Variants in VPS13B observed in about 807,000 individuals in gnomAD.
The protein encoded by VPS13B is vacuolar protein sorting 13 homolog B, also known as intermembrane lipid transfer protein VPS13B.
A neutral mutation model predicts 426.4 loss-of-function variants in VPS13B; 285 were observed. That is an observed-to-expected ratio of 0.67 (90% confidence interval 0.61 to 0.74). The LOEUF is 0.74. VPS13B is among the 30% of genes least tolerant of loss of function. The pLI is 0.00. For missense variants in VPS13B, 4,537 were observed against 4,782.6 expected, an observed-to-expected ratio of 0.95 and a Z score of 1.51; for synonymous variants, 1,676 against 1,676.4, an observed-to-expected ratio of 1.00 and a Z score of 0.01.
intron 26 of VPS13B, 146 bp downstream of exon 26, chr8:99,502,004 G>A: frequency 9.2e-7 from 1 of 1,082,866 alleles, no homozygotes; most frequent in Non-Finnish European, 1.3e-6. Context: ...TTTCCTTTCT[G>A]ACAGAGTTTT....
At chr8:99,738,361 CT>C (rs1833930380) in intron 39 of VPS13B, among the ~76,000 whole-genome samples, 1 of 152,134 alleles carries the variant, frequency 6.6e-6, no homozygotes, top group Non-Finnish European at 1.5e-5. Context: ...TCTTTTTTCT[CT>C]TTAGCTAAAT....
At chr8:99,116,177 A>G (rs539774210) in intron 7 of VPS13B, among the ~76,000 whole-genome samples, 202 of 148,470 alleles carry the variant, frequency 1.4e-3, no homozygotes, top group African/African-American at 4.7e-3. Flanking sequence ...ACAGACATGC[A>G]TCACCACGCC....
At chr8:99,069,348 G>A (rs1226814728) in intron 3 of VPS13B, among the ~76,000 whole-genome samples, 1 of 152,166 alleles carries the variant, frequency 6.6e-6, no homozygotes, top group African/African-American at 2.4e-5. Context: ...GCAGGCAGAT[G>A]GATTGAGCCA....
intron 17 of VPS13B, among the ~76,000 whole-genome samples, chr8:99,198,844 T>TC (rs986933914): frequency 3.3e-5 from 5 of 151,672 alleles, no homozygotes; most frequent in African/African-American, 9.7e-5. Flanking sequence ...TTGTCTTTTT[T>TC]CCCCCCGAGA....
intron 19 of VPS13B, 90 bp from the exon 20 acceptor site, chr8:99,384,118 G>A: frequency 9.5e-7 from 1 of 1,053,818 alleles, no homozygotes; most frequent in Non-Finnish European, 1.5e-6. Flanking sequence ...TGTCTGTTAT[G>A]TCATAGCTAT....
At chr8:99,415,551 A>G (rs1318948487) in intron 21 of VPS13B, among the ~76,000 whole-genome samples, 1 of 152,126 alleles carries the variant, frequency 6.6e-6, no homozygotes, top group Non-Finnish European at 1.5e-5. Flanking sequence ...TCATGGATTT[A>G]TCTACCTTTG....
chr8:99,468,064 AT>A (rs1171054785), intron 24 of VPS13B, among the ~76,000 whole-genome samples: 1 of 152,178 alleles, frequency 6.6e-6, no homozygotes, highest in African/African-American at 2.4e-5. Flanking sequence ...GATTTGTCAC[AT>A]ATGTATACAT....
intron 36 of VPS13B, among the ~76,000 whole-genome samples, chr8:99,712,688 TG>T (rs1298148082): frequency 6.6e-6 from 1 of 151,692 alleles, no homozygotes; most frequent in African/African-American, 2.4e-5. Flanking sequence ...GCAATTTTAC[TG>T]ATATTTCTGT....
At chr8:99,504,271 G>A (rs1321028331) in intron 27 of VPS13B, among the ~76,000 whole-genome samples, 1 of 152,178 alleles carries the variant, frequency 6.6e-6, no homozygotes, top group Non-Finnish European at 1.5e-5. Flanking sequence ...CTCACCAGAA[G>A]CCAAGTAGAT....
intron 28 of VPS13B, 74 bp downstream of exon 28, chr8:99,507,277 G>T: frequency 6.9e-7 from 1 of 1,452,170 alleles, no homozygotes; most frequent in Non-Finnish European, 9.7e-7. Flanking sequence ...CATAAAATAG[G>T]ACTAATGGTT....
intron 29 of VPS13B, among the ~76,000 whole-genome samples, chr8:99,517,598 G>T (rs1487022): frequency 0.17 from 26,498 of 152,078 alleles, 2,830 homozygotes; most frequent in East Asian, 0.38. Context: ...ATTATGTGCA[G>T]TTACTATCAG....
chr8:99,503,096 C>T (rs1396919825), intron 27 of VPS13B, 146 bp downstream of exon 27: 1 of 629,280 alleles, frequency 1.6e-6, no homozygotes, highest in Non-Finnish European at 2.8e-6. Context: ...TGGCTCCAGA[C>T]TATTCCAATA....
chr8:99,340,854 T>G (rs2133184388), intron 19 of VPS13B: 1 of 318,000 alleles, frequency 3.1e-6, no homozygotes, highest in Middle Eastern at 4.3e-4. Flanking sequence ...CTTGGCTTTG[T>G]GCCTTTTGTG....
chr8:99,459,211 T>G (rs1189971618), intron 23 of VPS13B, among the ~76,000 whole-genome samples: 3 of 152,222 alleles, frequency 2.0e-5, no homozygotes, highest in Admixed American at 2.0e-4. Flanking sequence ...GGCTGCAGCA[T>G]TCTATTAATA....
intron 29 of VPS13B, among the ~76,000 whole-genome samples, chr8:99,517,569 C>T (rs923757557): frequency 6.6e-6 from 1 of 152,136 alleles, no homozygotes; most frequent in African/African-American, 2.4e-5. Context: ...GTCTGCTTTT[C>T]AACCTGGATA....
chr8:99,301,199 A>AGCAAG (rs1201844202), intron 19 of VPS13B, among the ~76,000 whole-genome samples: 1 of 151,986 alleles, frequency 6.6e-6, no homozygotes, highest in Non-Finnish European at 1.5e-5. Context: ...TGGATAACAG[A>AGCAAG]GCAAGACCTT....
At chr8:99,338,858 A>T (rs527418975) in intron 19 of VPS13B, among the ~76,000 whole-genome samples, 1 of 152,296 alleles carries the variant, frequency 6.6e-6, no homozygotes, top group South Asian at 2.1e-4. Context: ...GAAGACATGT[A>T]TTCTCCCACT....
intron 39 of VPS13B, among the ~76,000 whole-genome samples, chr8:99,757,799 T>TA (rs1810715166): frequency 6.6e-6 from 1 of 152,230 alleles, no homozygotes; most frequent in Non-Finnish European, 1.5e-5. Flanking sequence ...TACATATGCT[T>TA]AGAGTACAGT....
At chr8:99,221,702 C>T (rs779847667) in intron 17 of VPS13B, among the ~76,000 whole-genome samples, 9 of 152,104 alleles carry the variant, frequency 5.9e-5, no homozygotes, top group Non-Finnish European at 1.3e-4. Context: ...ACAAGGAAAT[C>T]AGTACCTCAG....
Sources: gnomAD v4.1 joint callset for allele counts (sites outside exome capture counted in the v4.1 genomes callset) on GRCh38, gnomAD v4.1.1 for gene constraint, MANE v1.5 for transcripts, NCBI Gene and HGNC (gene_info 2026-07-23, HGNC 2026-07-21) for gene names.